Variants in VCL observed in about 807,000 individuals in gnomAD.
VCL encodes vinculin.
In VCL, 47 loss-of-function variants were observed where a neutral mutation model predicts 125.7. That is an observed-to-expected ratio of 0.37 (90% CI 0.30 to 0.48). The LOEUF (loss-of-function observed/expected upper bound fraction) is 0.48. Among genes scored for constraint, VCL ranks in the 20% least tolerant of loss-of-function variants. The probability of loss-of-function intolerance (pLI) is 0.99; values close to 1 mark genes in which losing one functional copy is unlikely to be tolerated. For synonymous variants in VCL, 458 were observed against 514.6 expected, an observed-to-expected ratio of 0.89 and a Z score of 1.49; for missense variants, 1,069 against 1,455.5, an observed-to-expected ratio of 0.73 and a Z score of 4.32.
chr10:74,094,839 T>C (rs929716025), intron 11 of VCL, among the ~76,000 whole-genome samples: 3 of 152,050 alleles, frequency 2.0e-5, no homozygotes, highest in African/African-American at 7.3e-5. Context: ...GAGGCTGAGG[T>C]GGGAGGATCG....
downstream of VCL, chr10:74,121,255 G>C (rs1330809903): frequency 6.6e-6 from 1 of 152,108 alleles, no homozygotes; most frequent in Non-Finnish European, 1.5e-5. Flanking sequence ...TCTCAAATCA[G>C]TTGCCTCTCA....
At chr10:74,104,995 T>C in intron 15 of VCL, 56 bp from the exon 16 acceptor site, 1 of 1,586,730 alleles carries the variant, frequency 6.3e-7, no homozygotes, top group Non-Finnish European at 8.6e-7. Context: ...TAACAGTGTT[T>C]TGGAGTTTCT....
chr10:74,052,223 G>A (rs2136256722), intron 2 of VCL, among the ~76,000 whole-genome samples: 1 of 152,176 alleles, frequency 6.6e-6, no homozygotes, highest in South Asian at 2.1e-4. Flanking sequence ...ATGTGGTCCA[G>A]TGTCCACGCC....
chr10:74,068,334 T>G (rs1423703182), intron 2 of VCL, among the ~76,000 whole-genome samples: 2 of 152,324 alleles, frequency 1.3e-5, no homozygotes, highest in East Asian at 3.9e-4. Context: ...TCTTCTTTTC[T>G]TTTTTCTTTT....
Position 73,998,322 on chromosome 10 carries a change from G to GA in VCL, c.116dup (p.Asp39GlufsTer28). The GA allele has an allele frequency of 1.3e-6, 2 of 1,575,750 alleles. No homozygotes were observed. The highest frequency in any genetic ancestry group is 1.7e-6 in the Non-Finnish European group (2 of 1,160,576). ...CGAGGTGGACGGCAAAGCCATTCCT[G>GA]ACCTCACCGCGCCCGTGGCCGCCGT... is the stretch of plus-strand genomic sequence containing the variant. On this transcript the variant is annotated frameshift_variant, in exon 1 of 22. Coordinates refer to ENST00000211998, the MANE Select transcript of VCL (RefSeq NM_014000.3). LOFTEE classifies it high-confidence loss of function.
chr10:73,999,373 C>T (rs1404181812), intron 1 of VCL, among the ~76,000 whole-genome samples: 1 of 152,194 alleles, frequency 6.6e-6, no homozygotes, highest in Non-Finnish European at 1.5e-5. Flanking sequence ...GAGGTGATTC[C>T]TGGAGGAGGT....
intron 1 of VCL, among the ~76,000 whole-genome samples, chr10:74,021,085 T>C (rs1840656330): frequency 6.6e-6 from 1 of 152,090 alleles, no homozygotes; most frequent in African/African-American, 2.4e-5. Flanking sequence ...CTTTTCGTTA[T>C]TGTTTGTACT....
At position 74,120,011 on chromosome 10, in the gene VCL, T is replaced by TAAAAAA. The variant is rs3037361; in HGVS notation, c.*1857_*1862dup. 1 of 129,098 alleles carries TAAAAAA rather than the reference T, an allele frequency of 7.7e-6. No homozygotes were observed. Among genetic ancestry groups the TAAAAAA allele is most frequent in the Non-Finnish European group, 1.6e-5 (1 of 62,318 alleles). The allele number at this position is 129,098 out of a possible 1,614,324, so 8.0% of individuals were successfully genotyped here. A position where few individuals can be genotyped will look rare whatever the true frequency, so the allele number is the denominator to read the frequency against. On this transcript the variant is annotated 3_prime_UTR_variant, in exon 22 of 22. Coordinates refer to ENST00000211998, the MANE Select transcript of VCL (RefSeq NM_014000.3). ...GTGCTCGAGACACAGTGAAGCAAAT[T>TAAAAAA]AAAAAAAAAAAAAAAAAAAATCCCT...
At chr10:74,103,339 C>A (rs1166841798) in intron 14 of VCL, among the ~76,000 whole-genome samples, 2 of 152,304 alleles carry the variant, frequency 1.3e-5, no homozygotes, top group East Asian at 3.9e-4. Flanking sequence ...GCCAGGACCT[C>A]TTGAGCAGTC....
At chr10:74,026,038 T>C (rs1840766085) in intron 1 of VCL, among the ~76,000 whole-genome samples, 2 of 152,208 alleles carry the variant, frequency 1.3e-5, no homozygotes, top group Non-Finnish European at 2.9e-5. Context: ...ACCAGGTGTG[T>C]CATTTACATA....
At chr10:74,109,273 C>T (rs1300342411) in intron 18 of VCL, 117 bp downstream of exon 18, 22 of 1,293,576 alleles carry the variant, frequency 1.7e-5, no homozygotes, top group Non-Finnish European at 2.4e-5. Context: ...TCCTTTGGTT[C>T]CTGTGTTGCC....
chr10:74,014,924 AGCGATTCTCCCACTTCAGCCTCCCAGAGT>A (rs1840509840), intron 1 of VCL, among the ~76,000 whole-genome samples: 1 of 151,904 alleles, frequency 6.6e-6, no homozygotes, highest in South Asian at 2.1e-4. Context: ...CCTGGGCTCA[AGCGATTCTCCCACTTCAGCCTCCCAGAGT>A]GCTGGGATTA....
chr10:74,104,883 T>A, intron 15 of VCL, 168 bp from the exon 16 acceptor site: 3 of 772,136 alleles, frequency 3.9e-6, no homozygotes, highest in Non-Finnish European at 6.1e-6. Context: ...CTGTTTTTTT[T>A]AACTGTGGTG....
At chr10:74,042,552 C>T (rs905258515) in intron 1 of VCL, among the ~76,000 whole-genome samples, 1 of 152,098 alleles carries the variant, frequency 6.6e-6, no homozygotes, top group African/African-American at 2.4e-5. Flanking sequence ...TTAACTCGCA[C>T]TATAATTAGG....
At chr10:74,025,166 A>G (rs1234183174) in intron 1 of VCL, among the ~76,000 whole-genome samples, 1 of 152,080 alleles carries the variant, frequency 6.6e-6, no homozygotes, top group Non-Finnish European at 1.5e-5. Context: ...ACAGGTGTGC[A>G]CCACCATGCC....
intron 17 of VCL, among the ~76,000 whole-genome samples, chr10:74,108,505 AG>A (rs1840172471): frequency 6.7e-6 from 1 of 148,430 alleles, no homozygotes; most frequent in Non-Finnish European, 1.5e-5. Flanking sequence ...TTTGAGATGG[AG>A]TCTTGCTCTG....
chr10:74,061,516 A>C (rs1477307178), intron 2 of VCL, among the ~76,000 whole-genome samples: 1 of 152,200 alleles, frequency 6.6e-6, no homozygotes, highest in Non-Finnish European at 1.5e-5. Flanking sequence ...TTTCATAAAT[A>C]GATATATCAC....
intron 2 of VCL, among the ~76,000 whole-genome samples, chr10:74,043,411 A>G (rs1419367313): frequency 2.0e-5 from 3 of 151,640 alleles, no homozygotes; most frequent in African/African-American, 7.3e-5. Context: ...CAATGGTGCG[A>G]TGTCAGCTCA....
intron 1 of VCL, among the ~76,000 whole-genome samples, chr10:74,008,272 G>C (rs1840356189): frequency 6.6e-6 from 1 of 152,158 alleles, no homozygotes; most frequent in Admixed American, 6.6e-5. Flanking sequence ...ACTGAAACAA[G>C]TGAAATATAT....
Sources: gnomAD v4.1 joint callset for allele counts (sites outside exome capture counted in the v4.1 genomes callset) on GRCh38, gnomAD v4.1.1 for gene constraint, MANE v1.5 for transcripts, NCBI Gene and HGNC (gene_info 2026-07-23, HGNC 2026-07-21) for gene names.